Variants in FAM240A observed in about 807,000 individuals in gnomAD.
The protein encoded by FAM240A is family with sequence similarity 240 member A, also known as protein FAM240A.
A neutral mutation model predicts 7.3 loss-of-function variants in FAM240A; 8 were observed. That is an observed-to-expected ratio of 1.09 (90% CI 0.64 to 1.97). The LOEUF (loss-of-function observed/expected upper bound fraction) is 1.97, where lower values mean the gene tolerates loss of function less well. Among genes scored for constraint, FAM240A ranks in the 30% most tolerant of loss-of-function variants. The probability of loss-of-function intolerance (pLI) is 0.00; values close to 1 mark genes in which losing one functional copy is unlikely to be tolerated. For missense variants in FAM240A, 90 were observed against 102.2 expected (o/e 0.88, Z 0.52); for synonymous variants, 32 against 35.9 (o/e 0.89, Z 0.38).
intron 2 of FAM240A, among the ~76,000 whole-genome samples, chr3:46,622,094 C>A (rs988886114): frequency 6.8e-6 from 1 of 146,220 alleles, no homozygotes; most frequent in East Asian, 2.0e-4. Flanking sequence ...GTCTAATTTA[C>A]GAGAAAATTT....
intron 1 of FAM240A, 30 bp from the exon 2 acceptor site, chr3:46,617,153 G>T (rs1224108013): frequency 1.4e-6 from 2 of 1,431,420 alleles, no homozygotes; most frequent in Admixed American, 4.7e-5. Flanking sequence ...TATGTTTTTT[G>T]GTTATTTGTA....
In FAM240A at chr3:46,617,222, C is replaced by A. The variant is rs186252375; in HGVS notation, c.55C>A (p.Arg19=). The change falls in exon 2 of 3, where the codon CGG becomes AGG. Residue 19 remains arginine (R), a synonymous_variant. Coordinates refer to ENST00000640551, the MANE Select transcript of FAM240A (RefSeq NM_001195442.2). ...ATACACCCGTCGGGAGGTCTTCTGC[C>A]GGAACACCTGCCATGATCTCAAGCA... The part of the protein sequence containing the change: ...NQYTRREVFC[R]NTCHDLKHFW... The A allele has an allele frequency of 1.3e-6, 2 of 1,534,052 alleles. No individual in the cohort carries two copies. The highest frequency in any genetic ancestry group is 2.5e-5 in the East Asian group (1 of 40,750).
intron 2 of FAM240A, among the ~76,000 whole-genome samples, chr3:46,624,217 A>G (rs1000591338): frequency 3.3e-5 from 5 of 150,722 alleles, no homozygotes; most frequent in African/African-American, 7.3e-5. Context: ...TACATATGCT[A>G]TAACCCCACA....
chr3:46,614,065 C>A (rs911321191), intron 1 of FAM240A, among the ~76,000 whole-genome samples: 3 of 151,984 alleles, frequency 2.0e-5, no homozygotes, highest in South Asian at 2.1e-4. Context: ...ACCACAGGCA[C>A]GTAGCACTAC....
At chr3:46,615,377 G>A (rs1029248299) in intron 1 of FAM240A, among the ~76,000 whole-genome samples, 1 of 152,128 alleles carries the variant, frequency 6.6e-6, no homozygotes, top group South Asian at 2.1e-4. Context: ...AGCCAGGGCA[G>A]TACCCACTGA....
At chr3:46,622,154 C>G (rs551730272) in intron 2 of FAM240A, among the ~76,000 whole-genome samples, 19 of 145,050 alleles carry the variant, frequency 1.3e-4, no homozygotes, top group East Asian at 8.0e-4. Flanking sequence ...ACTCTGTCGC[C>G]CAGTGCAGTG....
chr3:46,612,733 A>G, intron 1 of FAM240A, 35 bp downstream of exon 1: 1 of 1,502,888 alleles, frequency 6.7e-7, no homozygotes, highest in Non-Finnish European at 9.0e-7. Flanking sequence ...TTTGTGAAGT[A>G]AAATTCCTAA....
intron 1 of FAM240A, 102 bp downstream of exon 1, chr3:46,612,800 A>G (rs1250337965): frequency 2.9e-5 from 26 of 898,420 alleles, no homozygotes; most frequent in Non-Finnish European, 4.2e-5. Flanking sequence ...ACGCAGCAGC[A>G]CGAATTCTCT....
At position 46,612,587 on chromosome 3, in the gene FAM240A, C is replaced by A; in HGVS notation, c.-97C>A. On this transcript the variant is annotated 5_prime_UTR_variant, in exon 1 of 3. It adds an upstream start codon to the 5' untranslated region. Coordinates refer to ENST00000640551, the MANE Select transcript of FAM240A (RefSeq NM_001195442.2). ...ATGTTCCTTTGTTCTTGTTGATTTG[C>A]TGAACGTGAATTGGCTCCTGGGGCA... 2 of 904,558 alleles carry A rather than the reference C, an allele frequency of 2.2e-6. No individual in the cohort carries two copies. Among genetic ancestry groups the A allele is most frequent in the Non-Finnish European group, 3.5e-6 (2 of 571,818 alleles). 56.0% of individuals were successfully genotyped at this position (904,558 alleles called of 1,614,324 possible).
intron 2 of FAM240A, among the ~76,000 whole-genome samples, chr3:46,618,230 C>T (rs1697652138): frequency 6.6e-6 from 1 of 152,202 alleles, no homozygotes; most frequent in South Asian, 2.1e-4. Context: ...GAGGGGAACC[C>T]AGCCTCCCAC....
At chr3:46,613,900 G>A (rs1055862068) in intron 1 of FAM240A, among the ~76,000 whole-genome samples, 1 of 152,056 alleles carries the variant, frequency 6.6e-6, no homozygotes, top group Non-Finnish European at 1.5e-5. Flanking sequence ...GAAGGATGGG[G>A]TATTAGATAT....
intron 1 of FAM240A, among the ~76,000 whole-genome samples, chr3:46,616,561 A>G (rs1022634884): frequency 1.3e-5 from 2 of 152,128 alleles, no homozygotes; most frequent in African/African-American, 2.4e-5. Context: ...GCTACCACTT[A>G]TAAGTGAGAA....
At chr3:46,625,071 T>G (rs1483230052) in intron 2 of FAM240A, 57 bp from the exon 3 acceptor site, 14 of 1,341,634 alleles carry the variant, frequency 1.0e-5, no homozygotes, top group Non-Finnish European at 1.4e-5. Context: ...AAAGCTCTCC[T>G]GAACCAAGAG....
chr3:46,625,583 C>T lies in FAM240A; in HGVS notation c.*365C>T, dbSNP rs1697753907. On this transcript the variant is annotated 3_prime_UTR_variant, in exon 3 of 3. Coordinates refer to ENST00000640551, the MANE Select transcript of FAM240A (RefSeq NM_001195442.2). ...TCAACCTTCATGGTCAAACTTTAAA[C>T]ACTGTACAGTGGTATTGCCCCACCA... 6.4e-6 allele frequency: 1 copy of T among 156,530 alleles called. No individual in the cohort carries two copies. The allele number at this position is 156,530 out of a possible 1,614,324, so 9.7% of individuals were successfully genotyped here. A position where few individuals can be genotyped will look rare whatever the true frequency, so the allele number is the denominator to read the frequency against.
intron 2 of FAM240A, among the ~76,000 whole-genome samples, chr3:46,624,881 C>A (rs1697738752): frequency 6.6e-6 from 1 of 151,468 alleles, no homozygotes; most frequent in Admixed American, 6.6e-5. Flanking sequence ...AAAGGAAAAT[C>A]CAGAGAATTA....
intron 2 of FAM240A, among the ~76,000 whole-genome samples, chr3:46,619,227 G>A (rs569278790): frequency 1.4e-4 from 21 of 152,284 alleles, no homozygotes; most frequent in African/African-American, 5.1e-4. Flanking sequence ...AATTGCAAGA[G>A]TGGGCAAGGG....
At chr3:46,617,753 A>AT (rs1697647299) in intron 2 of FAM240A, among the ~76,000 whole-genome samples, 1 of 152,198 alleles carries the variant, frequency 6.6e-6, no homozygotes, top group South Asian at 2.1e-4. Flanking sequence ...TATGTCTGTG[A>AT]AAAGCAATCA....
chr3:46,620,345 G>C (rs114452437), intron 2 of FAM240A, among the ~76,000 whole-genome samples: 2,828 of 63,776 alleles, frequency 0.044, 280 homozygotes, highest in African/African-American at 0.14. Flanking sequence ...AAGTGAAAAG[G>C]GATTGGTAGA....
intron 2 of FAM240A, among the ~76,000 whole-genome samples, chr3:46,623,515 C>G (rs189209928): frequency 1.1e-3 from 169 of 152,242 alleles, no homozygotes; most frequent in African/African-American, 3.6e-3. Context: ...GATTTGTCTA[C>G]TTCTCCTTGC....
Sources: gnomAD v4.1 joint callset for allele counts (sites outside exome capture counted in the v4.1 genomes callset) on GRCh38, gnomAD v4.1.1 for gene constraint, MANE v1.5 for transcripts, NCBI Gene and HGNC (gene_info 2026-07-23, HGNC 2026-07-21) for gene names.